Variants in CCDC149 observed in about 807,000 individuals in gnomAD.
CCDC149 encodes the protein coiled-coil domain containing 149, also known as coiled-coil domain-containing protein 149.
CCDC149 carries 45 observed loss-of-function variants against 59.9 expected under a neutral mutation model. The observed-to-expected ratio is 0.75, with a 90% CI of 0.59 to 0.96. CCDC149 has a LOEUF of 0.96. Among genes scored for constraint, CCDC149 ranks in the 40% least tolerant of loss-of-function variants. The pLI is 0.00. For missense variants in CCDC149, 584 were observed against 664.7 expected, an observed-to-expected ratio of 0.88 and a Z score of 1.33; for synonymous variants, 245 against 260.6, an observed-to-expected ratio of 0.94 and a Z score of 0.58.
intron 9 of CCDC149, among the ~76,000 whole-genome samples, chr4:24,826,448 G>T (rs1235503345): frequency 6.6e-6 from 1 of 152,202 alleles, no homozygotes; most frequent in African/African-American, 2.4e-5. Context: ...CAGGAATGGG[G>T]CAATGAGGAG....
chr4:24,823,294 G>A (rs1715528586), intron 9 of CCDC149, among the ~76,000 whole-genome samples: 1 of 152,136 alleles, frequency 6.6e-6, no homozygotes, highest in Non-Finnish European at 1.5e-5. Flanking sequence ...AGATATACAA[G>A]TTCTAGAAAG....
At position 24,906,320 on chromosome 4, in the gene CCDC149, C is replaced by A. The variant is rs1163147920; in HGVS notation, c.63+6497G>T. 4.2e-5 allele frequency among the ~76,000 whole-genome samples: 6 copies of A among 143,530 alleles called. No homozygotes were observed. In the East Asian group the frequency reaches 1.2e-3, roughly 30 times the overall value. The allele number at this position is 143,530 out of a possible 152,430, so 94.2% of individuals were successfully genotyped here. ...CCATAGCCCCAGGGTGATTTGAGGG[C>A]AGCATAATAATTAGCCCTAGAGTAA... On this transcript the variant is annotated intron_variant, in intron 1 of 12. Transcript: ENST00000635206.
At chr4:24,839,061 CAG>C (rs72068303) in intron 4 of CCDC149, among the ~76,000 whole-genome samples, 52,429 of 113,202 alleles carry the variant, frequency 0.46, 10,552 homozygotes, top group Non-Finnish European at 0.54. Flanking sequence ...CACACACACA[CAG>C]AGAGAGAGAG....
intron 11 of CCDC149, among the ~76,000 whole-genome samples, chr4:24,820,487 T>C (rs986274159): frequency 1.1e-4 from 16 of 152,124 alleles, no homozygotes; most frequent in African/African-American, 3.6e-4. Context: ...CACTGTGATT[T>C]GACTCCTACT....
rs60585956 is a variant in CCDC149, at chr4:24,931,829, G to GTATATATATGTA, written c.-64-36712_-64-36711insTACATATATATA. ...CTCCCTTATATTGTATGGAGAGTAT[G>GTATATATATGTA]TATATATATATATATATATATATGC... On this transcript the variant is annotated intron_variant, in intron 1 of 12. Transcript: ENST00000389609. 1.9e-4 allele frequency among the ~76,000 whole-genome samples: 15 copies of GTATATATATGTA among 76,932 alleles called. No individual in the cohort carries two copies. The Middle Eastern group carries it at 0.02, about 103-fold the overall frequency. 50.5% of individuals were successfully genotyped at this position (76,932 alleles called of 152,430 possible). A position where few individuals can be genotyped will look rare whatever the true frequency, so the allele number is the denominator to read the frequency against.
At chr4:24,853,603 AAAAG>A (rs941644165) in intron 3 of CCDC149, among the ~76,000 whole-genome samples, 6 of 151,866 alleles carry the variant, frequency 4.0e-5, no homozygotes, top group Admixed American at 1.3e-4. Flanking sequence ...AAAAAAAAAA[AAAAG>A]AGAGAGAGAG....
chr4:24,943,358 G>A (rs1723006006), intron 1 of CCDC149, among the ~76,000 whole-genome samples: 1 of 151,642 alleles, frequency 6.6e-6, no homozygotes, highest in African/African-American at 2.4e-5. Context: ...AAACTGGCTA[G>A]CCATATGTAG....
chr4:24,819,941 A>AG lies in CCDC149; in HGVS notation c.1109dup (p.Leu371SerfsTer3). 6.4e-7 allele frequency: 1 copy of AG among 1,551,558 alleles called. No individual in the cohort carries two copies. The stretch of plus-strand genomic sequence containing the variant: ...ATCTCGACCTCTGTCCACTAGGAAG[A>AG]GTGGGGTCGCTGAACAGTATGGTGT... On this transcript the variant is annotated frameshift_variant, in exon 12 of 13. Coordinates refer to ENST00000635206, the MANE Select transcript of CCDC149 (RefSeq NM_001330643.2). LOFTEE classifies it high-confidence loss of function.
intron 1 of CCDC149, among the ~76,000 whole-genome samples, chr4:24,886,401 T>G (rs1720180166): frequency 6.6e-6 from 1 of 152,246 alleles, no homozygotes; most frequent in Non-Finnish European, 1.5e-5. Context: ...TTTCAGTCTC[T>G]TTGCCTCTCT....
intron 1 of CCDC149, among the ~76,000 whole-genome samples, chr4:24,899,990 CA>C (rs1209870275): frequency 2.6e-5 from 4 of 152,142 alleles, no homozygotes; most frequent in Non-Finnish European, 5.9e-5. Flanking sequence ...CCTTCCTTGA[CA>C]TCTCCATTTG....
At chr4:24,941,202 G>T (rs1447265070) in intron 1 of CCDC149, among the ~76,000 whole-genome samples, 1 of 152,208 alleles carries the variant, frequency 6.6e-6, no homozygotes, top group East Asian at 1.9e-4. Context: ...CTGTCTCTCA[G>T]ACCACAGTGC....
At chr4:24,933,481 G>T (rs1460496626) in intron 1 of CCDC149, among the ~76,000 whole-genome samples, 1 of 152,210 alleles carries the variant, frequency 6.6e-6, no homozygotes, top group East Asian at 1.9e-4. Context: ...ATGTGTCTAT[G>T]AAGATGAGTA....
At chr4:24,813,527 T>TATATATATATA (rs1405803152) in intron 12 of CCDC149, among the ~76,000 whole-genome samples, 1 of 91,262 alleles carries the variant, frequency 1.1e-5, no homozygotes, top group Non-Finnish European at 2.3e-5. Context: ...TATATATATA[T>TATATATATATA]AAAACCTAAA....
chr4:24,805,455 A>G (rs1714102697), downstream of CCDC149, among the ~76,000 whole-genome samples: 1 of 152,158 alleles, frequency 6.6e-6, no homozygotes, highest in Non-Finnish European at 1.5e-5. Flanking sequence ...GCAGCAACAA[A>G]AAGACATGGG....
At chr4:24,864,478 G>A (rs1239800157) in intron 3 of CCDC149, among the ~76,000 whole-genome samples, 1 of 152,028 alleles carries the variant, frequency 6.6e-6, no homozygotes, top group Non-Finnish European at 1.5e-5. Flanking sequence ...AGACGGCTTC[G>A]ACTCCCTGTG....
At position 24,912,933 on chromosome 4, in the gene CCDC149, T is replaced by TCGCCGC. The variant is rs1181249057; in HGVS notation, c.-60_-55dup. 1 of 1,088,106 alleles carries TCGCCGC rather than the reference T, an allele frequency of 9.2e-7. No individual in the cohort carries two copies. The highest frequency in any genetic ancestry group is 1.2e-6 in the Non-Finnish European group (1 of 844,850). 67.4% of individuals were successfully genotyped at this position (1,088,106 alleles called of 1,614,324 possible). On this transcript the variant is annotated 5_prime_UTR_variant, in exon 1 of 13. Transcript: ENST00000635206. The stretch of plus-strand genomic sequence containing the variant: ...GCCTCCTCCTCCTCGCGACGTCGCG[T>TCGCCGC]CGCCGCCGCCGCCCGGGCCCCGCGC...
intron 1 of CCDC149, among the ~76,000 whole-genome samples, chr4:24,889,775 C>T (rs930943686): frequency 6.6e-6 from 1 of 152,150 alleles, no homozygotes; most frequent in African/African-American, 2.4e-5. Context: ...ATATTTTGGT[C>T]AGACTGACTT....
At chr4:24,831,779 TC>T in intron 8 of CCDC149, 129 bp from the exon 9 acceptor site, 1 of 757,274 alleles carries the variant, frequency 1.3e-6, no homozygotes, top group Non-Finnish European at 2.0e-6. Flanking sequence ...GTATTGAGAG[TC>T]CACCTCAAGT....
chr4:24,917,429 T>C (rs1355588955), upstream of CCDC149, among the ~76,000 whole-genome samples: 1 of 152,152 alleles, frequency 6.6e-6, no homozygotes, highest in African/African-American at 2.4e-5. Flanking sequence ...GGGCACAGGC[T>C]TGAGCGTGAT....
Sources: gnomAD v4.1 joint callset for allele counts (sites outside exome capture counted in the v4.1 genomes callset) on GRCh38, gnomAD v4.1.1 for gene constraint, MANE v1.5 for transcripts, NCBI Gene and HGNC (gene_info 2026-07-23, HGNC 2026-07-21) for gene names.